GRM1: variants seen among roughly 807,000 people sequenced by gnomAD.
GRM1 encodes the protein glutamate metabotropic receptor 1, also known as metabotropic glutamate receptor 1.
In GRM1, 33 loss-of-function variants were observed where a neutral mutation model predicts 90.9. The ratio of observed to expected loss-of-function variants is 0.36; its 90% CI spans 0.28 to 0.49. The LOEUF is 0.49. Ranked by LOEUF, GRM1 falls within the 20% of genes least tolerant of loss-of-function variation. GRM1 has a pLI of 0.99. For missense variants in GRM1, 1,190 were observed against 1,534.3 expected (o/e 0.78, Z 3.75); for synonymous variants, 700 against 613.2 (o/e 1.14, Z -2.09).
Position 146,029,140 on chromosome 6 carries a change from T to G in GRM1, c.-378T>G. The G allele has an allele frequency of 8.9e-6, 3 of 336,796 alleles. No homozygotes were observed. Among genetic ancestry groups the G allele is most frequent in the Admixed American group, 4.3e-5 (1 of 23,474 alleles). The allele number at this position is 336,796 out of a possible 1,614,324, so 20.9% of individuals were successfully genotyped here. On this transcript the variant is annotated 5_prime_UTR_variant, in exon 1 of 8. Coordinates refer to ENST00000282753, the MANE Select transcript of GRM1 (RefSeq NM_001278064.2). The stretch of plus-strand genomic sequence containing the variant: ...ACTGTTAACATTATAGACCCCAGAG[T>G]TTTAACACAGGTCCTCTGATGACAA...
Position 146,159,558 on chromosome 6 carries a change from G to A in GRM1, c.911G>A (p.Arg304Gln), listed in dbSNP as rs760713702. 2.5e-6 allele frequency: 4 copies of A among 1,613,942 alleles called. No individual in the cohort carries two copies. Among genetic ancestry groups the A allele is most frequent in the Admixed American group, 3.3e-5 (2 of 60,024 alleles). Residue 304 changes from arginine to glutamine, a missense_variant, in exon 2 of 8, where the codon CGG (arginine) becomes CAG (glutamine). Arg to Gln is a conservative substitution (Grantham distance 43). Coordinates refer to ENST00000282753, the MANE Select transcript of GRM1 (RefSeq NM_001278064.2). ...MTVRGLLSAM[R>Q]RLGVVGEFSL... The stretch of plus-strand genomic sequence containing the variant: ...GTGCGAGGACTCCTGAGCGCCATGC[G>A]GCGCCTTGGCGTCGTGGGCGAGTTC...
intron 2 of GRM1, among the ~76,000 whole-genome samples, chr6:146,293,126 T>C (rs1292102859): frequency 6.6e-6 from 1 of 151,814 alleles, no homozygotes; most frequent in African/African-American, 2.4e-5. Flanking sequence ...CAGGGAGAAA[T>C]AGGAAGTAAC....
intron 1 of GRM1, among the ~76,000 whole-genome samples, chr6:146,120,138 A>G (rs754728595): frequency 3.3e-5 from 5 of 152,064 alleles, no homozygotes; most frequent in Non-Finnish European, 7.4e-5. Flanking sequence ...TTGTAGTTCT[A>G]CTTGAAGAGG....
chr6:146,031,166 T>C (rs150217438), intron 1 of GRM1, among the ~76,000 whole-genome samples: 1 of 152,308 alleles, frequency 6.6e-6, no homozygotes, highest in African/African-American at 2.4e-5. Flanking sequence ...TCTCTTCACC[T>C]TAGGTTATAT....
chr6:146,304,347 G>A (rs1783498821), intron 2 of GRM1, among the ~76,000 whole-genome samples: 2 of 152,108 alleles, frequency 1.3e-5, no homozygotes, highest in African/African-American at 4.8e-5. Context: ...CTGATGACTA[G>A]TGAATACTCA....
At chr6:146,133,813 C>G (rs985310934) in intron 1 of GRM1, among the ~76,000 whole-genome samples, 2 of 152,214 alleles carry the variant, frequency 1.3e-5, no homozygotes, top group Admixed American at 6.5e-5. Context: ...ATCTGTGGAA[C>G]CAAAGCACGT....
intron 3 of GRM1, among the ~76,000 whole-genome samples, chr6:146,330,368 G>A: frequency 6.6e-6 from 1 of 151,934 alleles, no homozygotes; most frequent in East Asian, 1.9e-4. Context: ...TTTTTACTAG[G>A]GAAACAATGT....
chr6:146,149,215 A>T (rs574158835), intron 1 of GRM1, among the ~76,000 whole-genome samples: 135 of 152,334 alleles, frequency 8.9e-4, no homozygotes, highest in African/African-American at 3.2e-3. Flanking sequence ...CTTTCAATAC[A>T]TCTTTAAACC....
At chr6:146,170,674 A>G (rs771181053) in intron 2 of GRM1, among the ~76,000 whole-genome samples, 8 of 151,990 alleles carry the variant, frequency 5.3e-5, no homozygotes, top group Non-Finnish European at 1.2e-4. Flanking sequence ...CACTGTCATT[A>G]TATCCTTTTT....
In GRM1 at chr6:146,435,228, C is replaced by G. The variant is rs553872280; in HGVS notation, c.*432C>G. ...CATGCCAGTCGGATCATGAGTTCAC[C>G]TGATGGCATTCGGAGTGAGCTGGTG... On this transcript the variant is annotated 3_prime_UTR_variant, in exon 8 of 8. Coordinates refer to ENST00000282753, the MANE Select transcript of GRM1 (RefSeq NM_001278064.2). 395 of 325,884 alleles carry G rather than the reference C, an allele frequency of 1.2e-3. No homozygotes were observed. The highest frequency in any genetic ancestry group is 5.2e-3 in the Admixed American group (116 of 22,102). The allele number at this position is 325,884 out of a possible 1,614,324, so 20.2% of individuals were successfully genotyped here. A position where few individuals can be genotyped will look rare whatever the true frequency, so the allele number is the denominator to read the frequency against.
At chr6:146,151,840 A>G (rs1362430434) in intron 1 of GRM1, among the ~76,000 whole-genome samples, 1 of 152,154 alleles carries the variant, frequency 6.6e-6, no homozygotes, top group Non-Finnish European at 1.5e-5. Context: ...GATTATTCAA[A>G]TAATAGGATT....
chr6:146,354,888 T>C (rs1356216118), intron 4 of GRM1, among the ~76,000 whole-genome samples: 2 of 152,182 alleles, frequency 1.3e-5, no homozygotes, highest in Non-Finnish European at 2.9e-5. Context: ...TCAGTATTTT[T>C]CCCTGGATAT....
chr6:146,391,535 AC>A lies in GRM1; in HGVS notation c.1729+4520del, dbSNP rs3831830. On this transcript the variant is annotated intron_variant, in intron 6 of 7. Coordinates refer to ENST00000282753, the MANE Select transcript of GRM1 (RefSeq NM_001278064.2). Reference sequence around the variant, plus strand: ...CTTTCTAGTTTTGGGATAAACAAACACACCTGGAGGTTGGATAACTCTTTTT... The same window carrying A: ...CTTTCTAGTTTTGGGATAAACAAACAACCTGGAGGTTGGATAACTCTTTTT... Among the ~76,000 whole-genome samples, 906 of 152,104 alleles carry A rather than the reference AC, an allele frequency of 6.0e-3. 30 individuals carry two copies. In the East Asian group the frequency reaches 0.1, roughly 17 times the overall value.
chr6:146,153,169 T>A (rs1404856504), intron 1 of GRM1, among the ~76,000 whole-genome samples: 3 of 152,210 alleles, frequency 2.0e-5, no homozygotes, highest in African/African-American at 7.2e-5. Context: ...AAGCGACACT[T>A]TCTTTAGACA....
chr6:146,415,494 T>G (rs1314228291), intron 7 of GRM1, among the ~76,000 whole-genome samples: 1 of 152,238 alleles, frequency 6.6e-6, no homozygotes, highest in African/African-American at 2.4e-5. Flanking sequence ...TGACTGGTAC[T>G]TTTGTCAACA....
chr6:146,102,855 T>C (rs1777096702), intron 1 of GRM1, among the ~76,000 whole-genome samples: 1 of 152,252 alleles, frequency 6.6e-6, no homozygotes, highest in Non-Finnish European at 1.5e-5. Context: ...GATATTCAAA[T>C]ACTTTGGAAC....
At chr6:146,340,053 A>C (rs1428768035) in intron 3 of GRM1, among the ~76,000 whole-genome samples, 1 of 152,232 alleles carries the variant, frequency 6.6e-6, no homozygotes, top group Non-Finnish European at 1.5e-5. Context: ...ATGACTCAGC[A>C]GTCGTTGAGG....
intron 6 of GRM1, among the ~76,000 whole-genome samples, chr6:146,396,837 A>G (rs1776955130): frequency 6.6e-6 from 1 of 152,220 alleles, no homozygotes; most frequent in Non-Finnish European, 1.5e-5. Flanking sequence ...TTCAAAACCA[A>G]AGGTTATATG....
chr6:146,276,589 G>GA (rs551964547), intron 2 of GRM1, among the ~76,000 whole-genome samples: 1 of 151,268 alleles, frequency 6.6e-6, no homozygotes, highest in South Asian at 2.1e-4. Flanking sequence ...TAGAGACAAA[G>GA]AAAAAAAATT....
Sources: allele counts gnomAD v4.1 joint callset (sites outside exome capture counted in the v4.1 genomes callset), GRCh38; gene constraint gnomAD v4.1.1; transcripts MANE v1.5; gene names NCBI Gene and HGNC (gene_info 2026-07-23, HGNC 2026-07-21).